Variants in VPS54 observed in about 807,000 individuals in gnomAD.
VPS54 encodes the protein VPS54 subunit of GARP complex, also known as vacuolar protein sorting-associated protein 54.
Under a neutral mutation model 121.5 loss-of-function variants are expected in VPS54, and 45 were observed. The ratio of observed to expected loss-of-function variants is 0.37; its 90% CI spans 0.29 to 0.47. The LOEUF is 0.47. VPS54 is among the 20% of genes least tolerant of loss of function. The pLI is 0.99. For synonymous variants in VPS54, 371 were observed against 385.8 expected, an observed-to-expected ratio of 0.96 and a Z score of 0.45; for missense variants, 1,090 against 1,131.4, an observed-to-expected ratio of 0.96 and a Z score of 0.52.
intron 1 of VPS54, among the ~76,000 whole-genome samples, chr2:64,001,643 CGT>C (rs757489002): frequency 6.6e-6 from 1 of 152,006 alleles, no homozygotes; most frequent in African/African-American, 2.4e-5. Context: ...CTAGCCCAGG[CGT>C]GTGTCTAGAA....
At chr2:63,921,115 G>A (rs1201086054) in intron 13 of VPS54, 91 bp downstream of exon 13, 1 of 1,328,200 alleles carries the variant, frequency 7.5e-7, no homozygotes, top group Non-Finnish European at 1.0e-6. Flanking sequence ...AATATAATAT[G>A]CATTATGGGG....
intron 2 of VPS54, among the ~76,000 whole-genome samples, chr2:63,982,985 A>G (rs2104617368): frequency 6.6e-6 from 1 of 152,338 alleles, no homozygotes; most frequent in South Asian, 2.1e-4. Flanking sequence ...TTAAGGAGTC[A>G]GGAGAATTTG....
At chr2:63,960,437 C>A (rs1364355898) in intron 7 of VPS54, among the ~76,000 whole-genome samples, 2 of 152,008 alleles carry the variant, frequency 1.3e-5, no homozygotes, top group African/African-American at 4.8e-5. Flanking sequence ...ATATCCAACC[C>A]TCTTCTTAAA....
chr2:63,931,189 A>G (rs541311838), intron 12 of VPS54, among the ~76,000 whole-genome samples: 2 of 152,374 alleles, frequency 1.3e-5, no homozygotes, highest in South Asian at 2.1e-4. Context: ...AAGAGCCCGC[A>G]TAGCCAAGAC....
chr2:63,976,007 G>A (rs774323772), intron 3 of VPS54, among the ~76,000 whole-genome samples: 1 of 152,188 alleles, frequency 6.6e-6, no homozygotes, highest in South Asian at 2.1e-4. Context: ...TGGGATTACA[G>A]GCGTGAGCCG....
chr2:63,994,924 CTTAT>C (rs541952912), intron 1 of VPS54, among the ~76,000 whole-genome samples: 11 of 152,176 alleles, frequency 7.2e-5, no homozygotes, highest in Non-Finnish European at 1.6e-4. Context: ...CTGGAGGCTA[CTTAT>C]TTTATTTCTT....
intron 1 of VPS54, among the ~76,000 whole-genome samples, chr2:64,005,576 G>A (rs577824047): frequency 1.2e-4 from 18 of 152,260 alleles, no homozygotes; most frequent in Middle Eastern, 3.4e-3. Context: ...TCCATGAAGC[G>A]TTTCTTATAT....
intron 22 of VPS54, among the ~76,000 whole-genome samples, chr2:63,894,082 G>A (rs780140488): frequency 1.3e-5 from 2 of 152,130 alleles, no homozygotes; most frequent in Non-Finnish European, 2.9e-5. Context: ...CTGAAAAAAT[G>A]GTAAACGTCA....
At chr2:63,994,009 C>T (rs898617164) in intron 1 of VPS54, among the ~76,000 whole-genome samples, 1 of 152,072 alleles carries the variant, frequency 6.6e-6, no homozygotes, top group Non-Finnish European at 1.5e-5. Context: ...TGTGTGTCAC[C>T]AGGAGATCAT....
intron 7 of VPS54, among the ~76,000 whole-genome samples, chr2:63,955,936 G>A (rs1424271230): frequency 6.6e-6 from 1 of 152,024 alleles, no homozygotes; most frequent in African/African-American, 2.4e-5. Context: ...ATTTAGAGTG[G>A]TGAATCTACT....
chr2:64,016,877 G>A (rs969914789), intron 1 of VPS54, among the ~76,000 whole-genome samples: 2 of 151,890 alleles, frequency 1.3e-5, no homozygotes, highest in African/African-American at 2.4e-5. Context: ...CCAAAGTGGT[G>A]GGATTACAGG....
At chr2:63,991,709 CA>C (rs766821048) in intron 1 of VPS54, among the ~76,000 whole-genome samples, 78 of 152,308 alleles carry the variant, frequency 5.1e-4, no homozygotes, top group Admixed American at 1.0e-3. Context: ...ACCACAGAAC[CA>C]GGGAAATGGG....
chr2:64,017,410 G>A (rs1051096183), intron 1 of VPS54, among the ~76,000 whole-genome samples: 1 of 151,682 alleles, frequency 6.6e-6, no homozygotes, highest in Non-Finnish European at 1.5e-5. Flanking sequence ...CGTTTCATGG[G>A]CTATATAGGA....
At chr2:63,985,624 C>T (rs528509871) in intron 1 of VPS54, among the ~76,000 whole-genome samples, 2 of 151,858 alleles carry the variant, frequency 1.3e-5, no homozygotes, top group South Asian at 2.1e-4. Context: ...AAGGAACTGA[C>T]TATAGTGGAA....
chr2:64,018,256 T>G (rs2104721949), intron 1 of VPS54, among the ~76,000 whole-genome samples: 1 of 152,282 alleles, frequency 6.6e-6, no homozygotes, highest in Middle Eastern at 3.4e-3. Context: ...GAAAAAAATT[T>G]TTTTTTGAAA....
At chr2:63,909,212 A>T (rs1673028468) in intron 20 of VPS54, among the ~76,000 whole-genome samples, 3 of 152,118 alleles carry the variant, frequency 2.0e-5, no homozygotes, top group South Asian at 4.1e-4. Context: ...TTCCCTGACA[A>T]ATATTTTGCT....
intron 1 of VPS54, among the ~76,000 whole-genome samples, chr2:64,012,061 A>T (rs1193543837): frequency 6.6e-6 from 1 of 152,202 alleles, no homozygotes; most frequent in Non-Finnish European, 1.5e-5. Context: ...ATAAATTAGT[A>T]TTTTAATTAA....
intron 11 of VPS54, among the ~76,000 whole-genome samples, chr2:63,941,711 G>A (rs193081563): frequency 6.6e-6 from 1 of 152,060 alleles, no homozygotes; most frequent in East Asian, 1.9e-4. Flanking sequence ...GATTGGATTC[G>A]TGCCCAAAAA....
At chr2:63,897,915 A>C (rs957794780) in intron 21 of VPS54, among the ~76,000 whole-genome samples, 2 of 152,254 alleles carry the variant, frequency 1.3e-5, no homozygotes, top group African/African-American at 4.8e-5. Context: ...AAAAAATGTC[A>C]TAATGATAGA....
Sources: gnomAD v4.1 joint callset for allele counts (sites outside exome capture counted in the v4.1 genomes callset) on GRCh38, gnomAD v4.1.1 for gene constraint, MANE v1.5 for transcripts, NCBI Gene and HGNC (gene_info 2026-07-23, HGNC 2026-07-21) for gene names.